Variants in KLHL14 observed in about 807,000 individuals in gnomAD.
KLHL14 encodes the protein kelch-like protein 14.
KLHL14 carries 22 observed loss-of-function variants against 64.3 expected under a neutral mutation model. The observed-to-expected ratio is 0.34, with a 90% CI of 0.24 to 0.49. KLHL14 has a LOEUF of 0.49. KLHL14 is among the 20% of genes least tolerant of loss of function. The pLI is 0.99. For synonymous variants in KLHL14, 322 were observed against 333.4 expected (o/e 0.97, Z 0.37); for missense variants, 661 against 789.0 (o/e 0.84, Z 1.94).
intron 3 of KLHL14, chr18:32,734,062 C>T (rs2050150544): frequency 1.5e-6 from 1 of 657,914 alleles, no homozygotes; most frequent in Non-Finnish European, 2.8e-6. Flanking sequence ...TTTGGGTAAT[C>T]TCCCCTTGGA....
At chr18:32,761,547 C>T (rs929758456) in intron 2 of KLHL14, among the ~76,000 whole-genome samples, 26 of 152,210 alleles carry the variant, frequency 1.7e-4, no homozygotes, top group African/African-American at 5.8e-4. Flanking sequence ...TTTCAAGGCT[C>T]ATCTTATACC....
intron 7 of KLHL14, among the ~76,000 whole-genome samples, chr18:32,678,872 G>T (rs577254698): frequency 1.3e-5 from 2 of 152,216 alleles, no homozygotes; most frequent in Non-Finnish European, 2.9e-5. Context: ...CATTACCTGA[G>T]TCTTTCTGTC....
At chr18:32,752,272 T>C (rs576524077) in intron 2 of KLHL14, among the ~76,000 whole-genome samples, 5 of 152,218 alleles carry the variant, frequency 3.3e-5, no homozygotes, top group African/African-American at 7.2e-5. Context: ...TTCTTTTTTT[T>C]CCCTTACTTG....
chr18:32,771,995 TG>T, intron 1 of KLHL14: 2 of 209,084 alleles, frequency 9.6e-6, no homozygotes, highest in Non-Finnish European at 9.5e-6. Flanking sequence ...GAGGGCAGGG[TG>T]GGGGAGGCGA....
At chr18:32,746,657 T>C (rs2050225370) in intron 2 of KLHL14, among the ~76,000 whole-genome samples, 1 of 152,244 alleles carries the variant, frequency 6.6e-6, no homozygotes, top group African/African-American at 2.4e-5. Flanking sequence ...TCAGCTGATA[T>C]GCTGGCACTT....
chr18:32,741,557 T>G (rs1568079883), intron 3 of KLHL14, among the ~76,000 whole-genome samples: 2 of 152,190 alleles, frequency 1.3e-5, no homozygotes, highest in Non-Finnish European at 2.9e-5. Flanking sequence ...AACAACCATT[T>G]TGATGTGAGA....
In KLHL14 at chr18:32,770,370, G is replaced by A. The variant is rs1292547302; in HGVS notation, c.222C>T (p.Gly74=). The A allele has an allele frequency of 2.5e-6, 4 of 1,588,074 alleles. No homozygotes were observed. Among genetic ancestry groups the A allele is most frequent in the East Asian group, 4.5e-5 (2 of 44,522 alleles). ...CCTTGGGGGCCCCCAGGCCGTCCTG[G>A]CCGCCGACCCCTCCCCCGAGAGGGG... ...SHPPLGGGVG[G]QDGLGAPKDQ... The change falls in exon 2 of 9, where the codon GGC becomes GGT. Residue 74 remains glycine, a synonymous_variant. Transcript: ENST00000359358. This position sits in a 1 kb window ranked among gnomAD's most constrained non-coding sequence, Gnocchi z 6.7.
At chr18:32,746,747 C>A (rs1175244340) in intron 2 of KLHL14, among the ~76,000 whole-genome samples, 1 of 152,180 alleles carries the variant, frequency 6.6e-6, no homozygotes, top group Admixed American at 6.5e-5. Flanking sequence ...AGATATTCTG[C>A]AATGTTCTAA....
intron 4 of KLHL14, among the ~76,000 whole-genome samples, chr18:32,692,470 G>T (rs2049912426): frequency 6.6e-6 from 1 of 152,152 alleles, no homozygotes; most frequent in South Asian, 2.1e-4. Context: ...TCATAGGATT[G>T]CTCTCCTTTA....
chr18:32,729,248 G>A (rs2050123484), intron 3 of KLHL14, among the ~76,000 whole-genome samples: 2 of 152,140 alleles, frequency 1.3e-5, no homozygotes, highest in African/African-American at 4.8e-5. Context: ...GGTGAGGATG[G>A]CAGGCAGTGC....
chr18:32,771,117 G>T, intron 1 of KLHL14: 1 of 204,390 alleles, frequency 4.9e-6, no homozygotes, highest in Non-Finnish European at 1.1e-5. Flanking sequence ...AGGTCAACTT[G>T]TGCCCGAAGC....
intron 2 of KLHL14, among the ~76,000 whole-genome samples, chr18:32,747,665 A>T (rs2050230541): frequency 6.6e-6 from 1 of 152,206 alleles, no homozygotes; most frequent in Non-Finnish European, 1.5e-5. Flanking sequence ...TGTACGGCCC[A>T]GTTCCTAACA....
rs913397800 is a variant in KLHL14 at position 32,691,041 on chromosome 18, C to A, written c.1160-3808G>T. Among the ~76,000 whole-genome samples the A allele has an allele frequency of 3.3e-5, 5 of 151,814 alleles. No homozygotes were observed. The South Asian group carries it at 1.0e-3, about 31-fold the overall frequency. On this transcript the variant is annotated intron_variant, in intron 4 of 8. Transcript: ENST00000359358. ...AGTGAGTTTTTGTGAAATCTGCAAT[C>A]ATTTCTGTGTAGAAAAAATCTCATC...
At chr18:32,761,572 A>T (rs541105530) in intron 2 of KLHL14, among the ~76,000 whole-genome samples, 9 of 152,144 alleles carry the variant, frequency 5.9e-5, no homozygotes, top group Non-Finnish European at 1.3e-4. Context: ...TTGCAGAGAA[A>T]GTCTTCTCCA....
At chr18:32,682,519 T>A (rs1177414993) in intron 5 of KLHL14, among the ~76,000 whole-genome samples, 2 of 152,182 alleles carry the variant, frequency 1.3e-5, no homozygotes, top group Non-Finnish European at 2.9e-5. Context: ...TTTGCACATG[T>A]GCATTTTTTG....
At position 32,746,231 on chromosome 18, in the gene KLHL14, G is replaced by A. The variant is rs528398967; in HGVS notation, c.948-4182C>T. Reference sequence around the variant, plus strand: ...ATGTAAACAAAAAGCTGAGTATATCGTGGTTAATAATATTTGAATGTCTTT... The same window carrying A: ...ATGTAAACAAAAAGCTGAGTATATCATGGTTAATAATATTTGAATGTCTTT... On this transcript the variant is annotated intron_variant, in intron 2 of 8. Transcript: ENST00000359358. Among the ~76,000 whole-genome samples, 66 of 152,294 alleles carry A rather than the reference G, an allele frequency of 4.3e-4. 1 individual carries two copies. The South Asian group carries it at 0.01, about 24-fold the overall frequency.
chr18:32,755,189 G>T (rs930222223), intron 2 of KLHL14, among the ~76,000 whole-genome samples: 12 of 152,114 alleles, frequency 7.9e-5, no homozygotes, highest in Non-Finnish European at 1.6e-4. Context: ...TAGGTGGAGG[G>T]CTCCGTGGTG....
chr18:32,682,217 T>TTGA (rs765410682), intron 5 of KLHL14, among the ~76,000 whole-genome samples: 9 of 152,238 alleles, frequency 5.9e-5, no homozygotes, highest in Non-Finnish European at 1.3e-4. Context: ...TATTCAACTT[T>TTGA]TGATAGTCCT....
At chr18:32,740,516 C>T (rs1421744884) in intron 3 of KLHL14, among the ~76,000 whole-genome samples, 1 of 152,130 alleles carries the variant, frequency 6.6e-6, no homozygotes, top group East Asian at 1.9e-4. Flanking sequence ...TCTTTTCTCT[C>T]TCCTCCTCCT....
Sources: gnomAD v4.1 joint callset for allele counts (sites outside exome capture counted in the v4.1 genomes callset) on GRCh38, gnomAD v4.1.1 for gene constraint, Gnocchi (gnomAD v3.1) non-coding constraint, MANE v1.5 for transcripts, NCBI Gene and HGNC (gene_info 2026-07-23, HGNC 2026-07-21) for gene names.